ST8SIA6: variants seen among roughly 807,000 people sequenced by gnomAD.
The protein encoded by ST8SIA6 is alpha-2,8-sialyltransferase 8F.
In ST8SIA6, 39 loss-of-function variants were observed where a neutral mutation model predicts 33.6. That is an observed-to-expected ratio of 1.16 (90% CI 0.90 to 1.52). The LOEUF is 1.52. Ranked by LOEUF, ST8SIA6 falls within the 40% of genes most tolerant of loss-of-function variation. ST8SIA6 has a pLI of 0.00. For missense variants in ST8SIA6, 441 were observed against 443.8 expected (o/e 0.99, Z 0.06); for synonymous variants, 172 against 167.2 (o/e 1.03, Z -0.22).
At chr10:17,406,159 G>A (rs183010323) in intron 2 of ST8SIA6, among the ~76,000 whole-genome samples, 56 of 152,282 alleles carry the variant, frequency 3.7e-4, no homozygotes, top group Admixed American at 7.2e-4. Context: ...GAAGCAGACA[G>A]AAAAGCTCTC....
chr10:17,454,337 C>T lies in ST8SIA6; in HGVS notation c.-82G>A. ...GGCCCCGACTCGCGGCTCCCGCCGC[C>T]GCCGCCACCGCCGCCGTGGCCGCAG... On this transcript the variant is annotated 5_prime_UTR_variant, in exon 1 of 8. Transcript: ENST00000377602. The surrounding 1 kb of genome is among the most constrained non-coding windows in gnomAD (Gnocchi z 4.1). The T allele has an allele frequency of 6.2e-6, 1 of 162,072 alleles. No homozygotes were observed. Among genetic ancestry groups the T allele is most frequent in the Non-Finnish European group, 1.3e-5 (1 of 75,558 alleles). 10.0% of individuals were successfully genotyped at this position (162,072 alleles called of 1,614,324 possible).
intron 2 of ST8SIA6, among the ~76,000 whole-genome samples, chr10:17,443,972 G>A (rs1279248188): frequency 6.6e-6 from 1 of 152,184 alleles, no homozygotes; most frequent in Non-Finnish European, 1.5e-5. Context: ...CCTTGCAAAA[G>A]AGGGGATATA....
intron 2 of ST8SIA6, among the ~76,000 whole-genome samples, chr10:17,448,314 A>G (rs549979239): frequency 6.6e-6 from 1 of 152,282 alleles, no homozygotes; most frequent in African/African-American, 2.4e-5. Context: ...ACAGACACCA[A>G]CTAACCAGGA....
chr10:17,375,079 G>C (rs1849866462), intron 3 of ST8SIA6, among the ~76,000 whole-genome samples: 1 of 151,942 alleles, frequency 6.6e-6, no homozygotes. Context: ...TGGAATTACA[G>C]GTGTGAGCCA....
intron 3 of ST8SIA6, among the ~76,000 whole-genome samples, chr10:17,371,520 C>T (rs559570809): frequency 1.6e-4 from 25 of 152,144 alleles, no homozygotes; most frequent in Admixed American, 8.5e-4. Context: ...CACACTGGCT[C>T]ATTCCTGTAA....
intron 5 of ST8SIA6, among the ~76,000 whole-genome samples, chr10:17,327,878 G>T (rs969465086): frequency 2.0e-5 from 3 of 152,288 alleles, no homozygotes; most frequent in African/African-American, 7.2e-5. Flanking sequence ...CTGCCCTCCA[G>T]CCTGGGCGAC....
chr10:17,402,238 C>G (rs1366665407), intron 2 of ST8SIA6, among the ~76,000 whole-genome samples: 1 of 152,214 alleles, frequency 6.6e-6, no homozygotes, highest in African/African-American at 2.4e-5. Context: ...GACACCATCT[C>G]ACACCAGTTA....
Position 17,331,373 on chromosome 10 carries a change from G to A in ST8SIA6, c.522+35C>T, listed in dbSNP as rs772186902. 3.9e-5 allele frequency: 62 copies of A among 1,571,854 alleles called. No individual in the cohort carries two copies. In the South Asian group the frequency reaches 6.1e-4, roughly 15 times the overall value. ...AGTAAAAGAAAATTCACCTGGAATGGTAACACAAATAACCCACCAGAAACC... is the reference window on the plus strand; with the variant it reads ...AGTAAAAGAAAATTCACCTGGAATGATAACACAAATAACCCACCAGAAACC... On this transcript the variant is annotated intron_variant, in intron 5 of 7. Coordinates refer to ENST00000377602, the MANE Select transcript of ST8SIA6 (RefSeq NM_001004470.3).
intron 2 of ST8SIA6, chr10:17,410,232 G>C (rs1851408948): frequency 6.6e-6 from 1 of 152,144 alleles, no homozygotes; most frequent in Admixed American, 6.6e-5. Context: ...ACATTTGCAT[G>C]CACCTTAAAT....
chr10:17,370,736 G>T (rs1024101639), intron 3 of ST8SIA6, among the ~76,000 whole-genome samples: 1 of 151,974 alleles, frequency 6.6e-6, no homozygotes, highest in African/African-American at 2.4e-5. Context: ...GTATACCTTT[G>T]CTCCAACCCA....
rs942429252 is a variant in ST8SIA6, at chr10:17,315,610, G to A, written c.*5268C>T. ...TAATATTATTATGTCGAGCAAAAGTGCAAGACAAGAAATGAGTACAGACAG... is the reference window on the plus strand; with the variant it reads ...TAATATTATTATGTCGAGCAAAAGTACAAGACAAGAAATGAGTACAGACAG... On this transcript the variant is annotated 3_prime_UTR_variant, in exon 8 of 8. Coordinates refer to ENST00000377602, the MANE Select transcript of ST8SIA6 (RefSeq NM_001004470.3). 2.0e-5 allele frequency among the ~76,000 whole-genome samples: 3 copies of A among 151,936 alleles called. No individual in the cohort carries two copies. Among genetic ancestry groups the A allele is most frequent in the Non-Finnish European group, 2.9e-5 (2 of 67,878 alleles).
At chr10:17,344,062 A>T (rs1848758588) in intron 4 of ST8SIA6, among the ~76,000 whole-genome samples, 1 of 152,180 alleles carries the variant, frequency 6.6e-6, no homozygotes, top group South Asian at 2.1e-4. Context: ...ACAGCTAGCT[A>T]ATGACATGAC....
At chr10:17,452,807 C>A (rs1160737874) in intron 2 of ST8SIA6, among the ~76,000 whole-genome samples, 1 of 151,964 alleles carries the variant, frequency 6.6e-6, no homozygotes, top group Non-Finnish European at 1.5e-5. Context: ...AATGTAATGA[C>A]AGGTATAGGT....
At chr10:17,453,961 C>G (rs1348340169) in intron 1 of ST8SIA6, among the ~76,000 whole-genome samples, 194 bp downstream of exon 1, 1 of 152,098 alleles carries the variant, frequency 6.6e-6, no homozygotes, top group Non-Finnish European at 1.5e-5. Flanking sequence ...CCCCAGCCGC[C>G]GTCCACCGGT....
intron 2 of ST8SIA6, among the ~76,000 whole-genome samples, chr10:17,390,971 G>C (rs530045025): frequency 1.3e-4 from 19 of 151,618 alleles, no homozygotes; most frequent in Admixed American, 2.6e-4. Context: ...CGATTCTCCT[G>C]CCTCAGCCTC....
At chr10:17,325,761 A>G (rs1033632034) in intron 6 of ST8SIA6, among the ~76,000 whole-genome samples, 4 of 152,158 alleles carry the variant, frequency 2.6e-5, no homozygotes, top group African/African-American at 7.2e-5. Flanking sequence ...AGGAAATTCT[A>G]TATTCGGGAA....
intron 2 of ST8SIA6, among the ~76,000 whole-genome samples, chr10:17,440,579 AAGG>A (rs764483027): frequency 3.9e-5 from 6 of 152,264 alleles, no homozygotes; most frequent in Non-Finnish European, 8.8e-5. Flanking sequence ...ATACATTCAT[AAGG>A]AGTAGACAAA....
intron 2 of ST8SIA6, among the ~76,000 whole-genome samples, chr10:17,396,561 C>T (rs779190494): frequency 2.0e-5 from 3 of 152,132 alleles, no homozygotes; most frequent in Non-Finnish European, 2.9e-5. Flanking sequence ...GACTTTCCTT[C>T]TCAGAGAAAG....
At position 17,387,274 on chromosome 10, in the gene ST8SIA6, G is replaced by A. The variant is rs185034719; in HGVS notation, c.290+3257C>T. ...AATAATTTTTTTTTTTTTTTGAGAC[G>A]GAGTTTCGCTCTCGTCACCCGGGCT... On this transcript the variant is annotated intron_variant, in intron 3 of 7. Transcript: ENST00000377602. Among the ~76,000 whole-genome samples, 402 of 150,846 alleles carry A rather than the reference G, an allele frequency of 2.7e-3. 9 individuals are homozygous for A. The highest frequency in any genetic ancestry group is 0.023 in the Admixed American group (349 of 15,192).
Sources: allele counts gnomAD v4.1 joint callset (sites outside exome capture counted in the v4.1 genomes callset), GRCh38; gene constraint gnomAD v4.1.1; non-coding constraint Gnocchi (gnomAD v3.1); transcripts MANE v1.5; gene names NCBI Gene and HGNC (gene_info 2026-07-23, HGNC 2026-07-21).